Variants in PIAS1 observed in about 807,000 individuals in gnomAD.
The protein encoded by PIAS1 is protein inhibitor of activated STAT 1.
Under a neutral mutation model 71.3 loss-of-function variants are expected in PIAS1, and 6 were observed. That is an observed-to-expected ratio of 0.08 (90% confidence interval 0.05 to 0.17). The LOEUF (loss-of-function observed/expected upper bound fraction) is 0.17. Among genes scored for constraint, PIAS1 ranks in the 10% least tolerant of loss-of-function variants. The probability of loss-of-function intolerance (pLI) is 1.00; values close to 1 mark genes in which losing one functional copy is unlikely to be tolerated. For synonymous variants in PIAS1, 303 were observed against 292.9 expected, an observed-to-expected ratio of 1.03 and a Z score of -0.35; for missense variants, 555 against 793.6, an observed-to-expected ratio of 0.70 and a Z score of 3.61.
intron 1 of PIAS1, among the ~76,000 whole-genome samples, chr15:68,076,593 C>T (rs1467214444): frequency 6.6e-6 from 1 of 152,140 alleles, no homozygotes; most frequent in Non-Finnish European, 1.5e-5. Context: ...TCATTTGTAG[C>T]CTTAAATTTT....
At chr15:68,139,850 T>C (rs2092758445) in intron 2 of PIAS1, among the ~76,000 whole-genome samples, 2 of 152,216 alleles carry the variant, frequency 1.3e-5, no homozygotes, top group Non-Finnish European at 2.9e-5. Context: ...TGGAGGTCAT[T>C]GTTTTGGATG....
intron 2 of PIAS1, among the ~76,000 whole-genome samples, chr15:68,098,418 TAGG>T (rs10555574): frequency 0.052 from 7,860 of 152,126 alleles, 644 homozygotes; most frequent in African/African-American, 0.18. Context: ...GGAGGAGTAA[TAGG>T]AGGATTTTCA....
At chr15:68,058,979 AGTCC>A (rs1274758396) in intron 1 of PIAS1, among the ~76,000 whole-genome samples, 11 of 149,412 alleles carry the variant, frequency 7.4e-5, no homozygotes, top group African/African-American at 2.7e-4. Context: ...TTATTAAACT[AGTCC>A]CTGTCAGATT....
At chr15:68,099,862 C>T (rs2092408327) in intron 2 of PIAS1, among the ~76,000 whole-genome samples, 3 of 152,006 alleles carry the variant, frequency 2.0e-5, no homozygotes, top group South Asian at 2.1e-4. Context: ...TTTTAATTTA[C>T]ATTTTCCTAA....
rs2093010653 is a variant in PIAS1 at position 68,174,537 on chromosome 15, T to C, written c.1169+645T>C. On this transcript the variant is annotated intron_variant, in intron 9 of 13. Transcript: ENST00000249636. The surrounding 1 kb of genome is among the most constrained non-coding windows in gnomAD (Gnocchi z 4.0). ...AAAGGAGGACATCTCCTTGATTTTTTTGGGGATGGGGGGTTAGAGACAGAG... is the reference window on the plus strand; with the variant it reads ...AAAGGAGGACATCTCCTTGATTTTTCTGGGGATGGGGGGTTAGAGACAGAG... 6.6e-6 allele frequency among the ~76,000 whole-genome samples: 1 copy of C among 152,186 alleles called. No homozygotes were observed. The highest frequency in any genetic ancestry group is 2.4e-5 in the African/African-American group (1 of 41,444).
At chr15:68,165,038 C>G (rs1015306123) in intron 8 of PIAS1, among the ~76,000 whole-genome samples, 3 of 152,230 alleles carry the variant, frequency 2.0e-5, no homozygotes, top group African/African-American at 7.2e-5. Context: ...TAATGACCAT[C>G]TCTCAGGCTC....
At chr15:68,122,838 A>G (rs1047458841) in intron 2 of PIAS1, among the ~76,000 whole-genome samples, 4 of 152,174 alleles carry the variant, frequency 2.6e-5, no homozygotes, top group African/African-American at 7.2e-5. Context: ...AAACTTAGCA[A>G]TGCAGTATCT....
rs766655788 is a variant in PIAS1 at position 68,187,469 on chromosome 15, T to C, written c.1663-73T>C. 5.0e-4 allele frequency: 686 copies of C among 1,380,064 alleles called. No individual in the cohort carries two copies. The highest frequency in any genetic ancestry group is 6.5e-4 in the Non-Finnish European group (640 of 985,324). 85.5% of individuals were successfully genotyped at this position (1,380,064 alleles called of 1,614,324 possible). A position where few individuals can be genotyped will look rare whatever the true frequency, so the allele number is the denominator to read the frequency against. The stretch of plus-strand genomic sequence containing the variant: ...AGGCTATCTTAAATTTAGGGCTGTG[T>C]CCCGCTGAGGAGAAAATATATTAAT... On this transcript the variant is annotated intron_variant, in intron 13 of 13. Coordinates refer to ENST00000249636, the MANE Select transcript of PIAS1 (RefSeq NM_016166.3). The surrounding 1 kb of genome is among the most constrained non-coding windows in gnomAD (Gnocchi z 5.3).
chr15:68,124,134 GATA>G (rs2092633331), intron 2 of PIAS1, among the ~76,000 whole-genome samples: 1 of 152,046 alleles, frequency 6.6e-6, no homozygotes. Flanking sequence ...AATCTTTATT[GATA>G]ATGATGGTGG....
At chr15:68,074,084 ACTCTTGGGATATAAGGAGAGG>A (rs2092130462) in intron 1 of PIAS1, among the ~76,000 whole-genome samples, 1 of 151,780 alleles carries the variant, frequency 6.6e-6, no homozygotes, top group South Asian at 2.1e-4. Flanking sequence ...TGAGTTGATG[ACTCTTGGGATATAAGGAGAGG>A]TGTTTAGCAG....
intron 2 of PIAS1, among the ~76,000 whole-genome samples, chr15:68,104,036 A>C (rs147292274): frequency 6.6e-6 from 1 of 152,196 alleles, no homozygotes; most frequent in Non-Finnish European, 1.5e-5. Context: ...CAGCTGTACC[A>C]TTTATATTCC....
At chr15:68,057,097 A>G (rs2091904249) in intron 1 of PIAS1, among the ~76,000 whole-genome samples, 2 of 152,178 alleles carry the variant, frequency 1.3e-5, no homozygotes, top group African/African-American at 2.4e-5. Context: ...TTTTAAATCT[A>G]TAAGAAATGT....
intron 2 of PIAS1, among the ~76,000 whole-genome samples, chr15:68,141,588 T>G (rs1384120963): frequency 6.6e-6 from 1 of 152,194 alleles, no homozygotes; most frequent in Non-Finnish European, 1.5e-5. Context: ...AAACCATGTC[T>G]CTTTAAATGG....
At chr15:68,141,628 C>T (rs534921579) in intron 2 of PIAS1, among the ~76,000 whole-genome samples, 3 of 152,068 alleles carry the variant, frequency 2.0e-5, no homozygotes, top group African/African-American at 4.8e-5. Context: ...AAATAAAATT[C>T]GTATGTTTTT....
chr15:68,173,417 C>G lies in PIAS1; in HGVS notation c.1009-315C>G, dbSNP rs760895309. Among the ~76,000 whole-genome samples, 1 of 151,732 alleles carries G rather than the reference C, an allele frequency of 6.6e-6. No individual in the cohort carries two copies. Among genetic ancestry groups the G allele is most frequent in the South Asian group, 2.1e-4 (1 of 4,802 alleles). ...CACTCTCTCCAGAAAAATGCACACA[C>G]GAAATTTTGAATGTAATTCAAGGGG... On this transcript the variant is annotated intron_variant, in intron 8 of 13. Transcript: ENST00000249636. This position sits in a 1 kb window ranked among gnomAD's most constrained non-coding sequence, Gnocchi z 4.3.
intron 7 of PIAS1, among the ~76,000 whole-genome samples, chr15:68,163,788 G>A (rs763161339): frequency 1.3e-5 from 2 of 152,184 alleles, no homozygotes; most frequent in African/African-American, 2.4e-5. Context: ...TCTGTTGACT[G>A]TGTATACAGC....
intron 7 of PIAS1, among the ~76,000 whole-genome samples, chr15:68,162,041 A>G (rs2092928026): frequency 6.6e-6 from 1 of 151,992 alleles, no homozygotes; most frequent in Non-Finnish European, 1.5e-5. Context: ...CCCAGGCTCA[A>G]GTGTATTTTG....
chr15:68,153,302 C>T (rs1432016725), intron 6 of PIAS1, among the ~76,000 whole-genome samples: 4 of 152,146 alleles, frequency 2.6e-5, no homozygotes, highest in South Asian at 2.1e-4. Flanking sequence ...CCAAGACAGA[C>T]CTGGGTTTAA....
chr15:68,116,303 TA>T (rs1370462188), intron 2 of PIAS1, among the ~76,000 whole-genome samples: 1 of 152,126 alleles, frequency 6.6e-6, no homozygotes, highest in African/African-American at 2.4e-5. Flanking sequence ...TCTTTTTTCT[TA>T]AGTAAACTTT....
Sources: gnomAD v4.1 joint callset for allele counts (sites outside exome capture counted in the v4.1 genomes callset) on GRCh38, gnomAD v4.1.1 for gene constraint, Gnocchi (gnomAD v3.1) non-coding constraint, MANE v1.5 for transcripts, NCBI Gene and HGNC (gene_info 2026-07-23, HGNC 2026-07-21) for gene names.